Variants in RIMBP2 observed in about 807,000 individuals in gnomAD.
RIMBP2 encodes the protein RIMS binding protein 2.
In RIMBP2, 48 loss-of-function variants were observed where a neutral mutation model predicts 118.6. The observed-to-expected ratio is 0.40, with a 90% CI of 0.32 to 0.51. RIMBP2 has a LOEUF of 0.51. Among genes scored for constraint, RIMBP2 ranks in the 20% least tolerant of loss-of-function variants. The probability of loss-of-function intolerance (pLI) is 0.41; values close to 1 mark genes in which losing one functional copy is unlikely to be tolerated. For missense variants in RIMBP2, 1,551 were observed against 1,768.3 expected (o/e 0.88, Z 2.20); for synonymous variants, 762 against 742.9 (o/e 1.03, Z -0.42).
chr12:130,628,578 T>A (rs1454748428), intron 1 of RIMBP2, 122 bp from the exon 2 acceptor site: 1 of 152,190 alleles, frequency 6.6e-6, no homozygotes, highest in African/African-American at 2.4e-5. Flanking sequence ...CTGCTACCAT[T>A]TTCCAGTTCA....
At chr12:130,437,326 G>C (rs549019984) in intron 12 of RIMBP2, 35 bp from the exon 13 acceptor site, 1 of 1,523,996 alleles carries the variant, frequency 6.6e-7, no homozygotes, top group Non-Finnish European at 8.8e-7. Flanking sequence ...CGGGCTGCCC[G>C]AGGTGAGCCC....
At chr12:130,608,220 G>A (rs2060301821) in intron 2 of RIMBP2, among the ~76,000 whole-genome samples, 1 of 152,206 alleles carries the variant, frequency 6.6e-6, no homozygotes, top group Non-Finnish European at 1.5e-5. Context: ...AGTTCTCCAA[G>A]CTTACGGCTG....
chr12:130,690,925 C>G (rs181316855), intron 1 of RIMBP2, among the ~76,000 whole-genome samples: 2 of 151,910 alleles, frequency 1.3e-5, no homozygotes. Flanking sequence ...CACAGGGAAG[C>G]CTGGTGAGGG....
chr12:130,678,880 G>A (rs1200829649), intron 1 of RIMBP2, among the ~76,000 whole-genome samples: 1 of 152,138 alleles, frequency 6.6e-6, no homozygotes, highest in Non-Finnish European at 1.5e-5. Flanking sequence ...GCAGAACGTA[G>A]ACCCATAGTC....
At chr12:130,635,198 T>C (rs889643269) in intron 1 of RIMBP2, among the ~76,000 whole-genome samples, 1 of 152,184 alleles carries the variant, frequency 6.6e-6, no homozygotes. Context: ...ATCCACTGCA[T>C]GGGCTGCTGG....
intron 2 of RIMBP2, among the ~76,000 whole-genome samples, chr12:130,520,323 C>G (rs1180734885): frequency 6.6e-6 from 1 of 152,066 alleles, no homozygotes; most frequent in East Asian, 1.9e-4. Flanking sequence ...CGTCTCTTTC[C>G]AATGTAGCTT....
chr12:130,459,925 C>T (rs542851352), intron 6 of RIMBP2, among the ~76,000 whole-genome samples: 107 of 152,320 alleles, frequency 7.0e-4, no homozygotes, highest in Non-Finnish European at 1.1e-3. Flanking sequence ...TTGCCCTGGC[C>T]CATCAGTCCA....
intron 6 of RIMBP2, among the ~76,000 whole-genome samples, chr12:130,460,728 T>C (rs1299089764): frequency 6.6e-6 from 1 of 152,078 alleles, no homozygotes; most frequent in East Asian, 1.9e-4. Context: ...GTTCTTAGAG[T>C]GGCAGCCAGC....
chr12:130,556,073 G>A lies in RIMBP2; in HGVS notation c.-216-38156C>T, dbSNP rs138137586. On this transcript the variant is annotated intron_variant, in intron 2 of 22. Coordinates refer to ENST00000690449, the MANE Select transcript of RIMBP2 (RefSeq NM_001393629.1). ...GGAAATGAACAGGATGAGCAGCACT[G>A]TGCTAGATTCTGACCGGGGAGTCAA... Among the ~76,000 whole-genome samples, 10 of 152,320 alleles carry A rather than the reference G, an allele frequency of 6.6e-5. No individual in the cohort carries two copies. In the East Asian group the frequency reaches 1.9e-3, roughly 29 times the overall value.
intron 5 of RIMBP2, among the ~76,000 whole-genome samples, chr12:130,472,789 T>A (rs1355942675): frequency 6.6e-6 from 1 of 152,154 alleles, no homozygotes; most frequent in African/African-American, 2.4e-5. Context: ...TCTGTAGAGT[T>A]CATTCATATG....
intron 4 of RIMBP2, among the ~76,000 whole-genome samples, chr12:130,483,168 A>T (rs796645996): frequency 8.6e-5 from 9 of 104,776 alleles, no homozygotes; most frequent in African/African-American, 1.7e-4. Flanking sequence ...CCTCATCCAA[A>T]TACACCCACT....
chr12:130,690,026 G>A (rs761332567), intron 1 of RIMBP2, among the ~76,000 whole-genome samples: 4 of 152,320 alleles, frequency 2.6e-5, no homozygotes, highest in Admixed American at 6.5e-5. Context: ...CTGAGGCCCC[G>A]TGTCCCGCTG....
intron 2 of RIMBP2, among the ~76,000 whole-genome samples, chr12:130,571,284 G>T (rs773047205): frequency 1.3e-5 from 2 of 152,108 alleles, no homozygotes; most frequent in Non-Finnish European, 2.9e-5. Context: ...ATGGGTCCCC[G>T]CAAGGGGAAC....
intron 5 of RIMBP2, 102 bp downstream of exon 5, chr12:130,478,810 G>T: frequency 1.3e-6 from 1 of 758,892 alleles, no homozygotes; most frequent in East Asian, 2.5e-5. Flanking sequence ...GGAGCGGCCT[G>T]GGAGCCAAGG....
chr12:130,577,456 T>A (rs1378027677), intron 2 of RIMBP2, among the ~76,000 whole-genome samples: 1 of 151,966 alleles, frequency 6.6e-6, no homozygotes, highest in Non-Finnish European at 1.5e-5. Context: ...TCACAGCAGG[T>A]CAAGGGGAAG....
chr12:130,539,915 G>A lies in RIMBP2; in HGVS notation c.-216-21998C>T, dbSNP rs1173511549. Reference sequence around the variant, plus strand: ...GGTGTAGGCTATGGCAAATGCAGTAGATGAGGTGGCCAGGTGTAGGATATG... The same window carrying A: ...GGTGTAGGCTATGGCAAATGCAGTAAATGAGGTGGCCAGGTGTAGGATATG... On this transcript the variant is annotated intron_variant, in intron 2 of 22. Transcript: ENST00000690449. Among the ~76,000 whole-genome samples the A allele has an allele frequency of 6.0e-4, 74 of 123,844 alleles. 1 individual carries two copies. Among genetic ancestry groups the A allele is most frequent in the East Asian group, 1.2e-3 (4 of 3,232 alleles). 81.2% of individuals were successfully genotyped at this position (123,844 alleles called of 152,430 possible). A position where few individuals can be genotyped will look rare whatever the true frequency, so the allele number is the denominator to read the frequency against.
intron 1 of RIMBP2, among the ~76,000 whole-genome samples, chr12:130,662,396 G>A (rs893982327): frequency 2.0e-5 from 3 of 152,116 alleles, no homozygotes; most frequent in Non-Finnish European, 4.4e-5. Flanking sequence ...GGTGGCTCAC[G>A]CCTGTAATCC....
chr12:130,604,471 C>CCACTCACTCACT (rs140093680), intron 2 of RIMBP2, among the ~76,000 whole-genome samples: 31 of 134,066 alleles, frequency 2.3e-4, no homozygotes, highest in Admixed American at 1.5e-3. Context: ...CATTCACTCT[C>CCACTCACTCACT]CACTCACTCA....
At chr12:130,438,335 A>AGCCC in intron 12 of RIMBP2, 30 bp downstream of exon 12, 356 of 864,778 alleles carry the variant, frequency 4.1e-4, no homozygotes, top group Non-Finnish European at 6.0e-4. Context: ...GGCCTAACAA[A>AGCCC]CCCTCCCCAC....
Sources: gnomAD v4.1 joint callset for allele counts (sites outside exome capture counted in the v4.1 genomes callset) on GRCh38, gnomAD v4.1.1 for gene constraint, MANE v1.5 for transcripts, NCBI Gene and HGNC (gene_info 2026-07-23, HGNC 2026-07-21) for gene names.